LDLRAD4: variants seen among roughly 807,000 people sequenced by gnomAD.
LDLRAD4 encodes the protein low-density lipoprotein receptor class A domain-containing protein 4.
LDLRAD4 carries 5 observed loss-of-function variants against 17.0 expected under a neutral mutation model. The ratio of observed to expected loss-of-function variants is 0.29; its 90% CI spans 0.15 to 0.62. The LOEUF is 0.62. LDLRAD4 is among the 20% of genes least tolerant of loss of function. The pLI is 0.84. For synonymous variants in LDLRAD4, 168 were observed against 171.8 expected, an observed-to-expected ratio of 0.98 and a Z score of 0.17; for missense variants, 340 against 424.7, an observed-to-expected ratio of 0.80 and a Z score of 1.75.
chr18:13,419,877 C>T (rs149634832), intron 2 of LDLRAD4: 8 of 152,302 alleles, frequency 5.3e-5, no homozygotes, highest in Non-Finnish European at 7.3e-5. Flanking sequence ...CAGACACAGA[C>T]GTGAGCCTGG....
intron 3 of LDLRAD4, among the ~76,000 whole-genome samples, chr18:13,482,685 A>G (rs939839987): frequency 6.6e-6 from 1 of 152,154 alleles, no homozygotes; most frequent in Non-Finnish European, 1.5e-5. Flanking sequence ...AGATGAGTGG[A>G]CTCAAGAGCA....
chr18:13,599,711 T>G lies in LDLRAD4; in HGVS notation c.182-21406T>G, dbSNP rs570637973. On this transcript the variant is annotated intron_variant, in intron 3 of 5. Coordinates refer to ENST00000359446, the Ensembl canonical transcript of LDLRAD4. Reference sequence around the variant, plus strand: ...TTTCACCCTGTTAGCCAGGATGGTCTCGATCTCCTGACCTCGTGATCCGCC... The same window carrying G: ...TTTCACCCTGTTAGCCAGGATGGTCGCGATCTCCTGACCTCGTGATCCGCC... Among the ~76,000 whole-genome samples, 7 of 152,202 alleles carry G rather than the reference T, an allele frequency of 4.6e-5. No homozygotes were observed. In the East Asian group the frequency reaches 1.3e-3, roughly 29 times the overall value.
At chr18:13,348,026 A>G (rs921818388) in intron 1 of LDLRAD4, among the ~76,000 whole-genome samples, 2 of 152,122 alleles carry the variant, frequency 1.3e-5, no homozygotes, top group Non-Finnish European at 2.9e-5. Context: ...AAATTCCTCC[A>G]TTAGCTCAGA....
At chr18:13,352,162 G>T (rs1203784594) in intron 1 of LDLRAD4, among the ~76,000 whole-genome samples, 4 of 152,142 alleles carry the variant, frequency 2.6e-5, no homozygotes, top group Admixed American at 1.3e-4. Context: ...AAATCATACT[G>T]AATGGGCAAA....
chr18:13,364,010 A>G (rs1471121074), intron 1 of LDLRAD4, among the ~76,000 whole-genome samples: 1 of 152,220 alleles, frequency 6.6e-6, no homozygotes, highest in East Asian at 1.9e-4. Flanking sequence ...AAATTTTAAA[A>G]GTTTGGTCTG....
At chr18:13,569,492 GA>G (rs528544748) in intron 3 of LDLRAD4, among the ~76,000 whole-genome samples, 2 of 152,096 alleles carry the variant, frequency 1.3e-5, no homozygotes, top group Non-Finnish European at 2.9e-5. Context: ...GTCTTTCAAG[GA>G]AAAAAATATT....
intron 1 of LDLRAD4, among the ~76,000 whole-genome samples, chr18:13,227,256 G>A (rs1402106389): frequency 1.3e-5 from 2 of 152,136 alleles, no homozygotes; most frequent in Non-Finnish European, 2.9e-5. Flanking sequence ...TGAGAGAGAT[G>A]AAAAAATCAC....
At chr18:13,363,679 C>T (rs2083854745) in intron 1 of LDLRAD4, among the ~76,000 whole-genome samples, 1 of 152,126 alleles carries the variant, frequency 6.6e-6, no homozygotes, top group Non-Finnish European at 1.5e-5. Context: ...TGCTAGTTCT[C>T]ATTTCCATGA....
chr18:13,453,479 C>T (rs984667287), intron 3 of LDLRAD4, among the ~76,000 whole-genome samples: 6 of 152,018 alleles, frequency 3.9e-5, no homozygotes, highest in African/African-American at 9.7e-5. Flanking sequence ...CCTGGTTTTT[C>T]GCAGCTGCCG....
upstream of LDLRAD4, among the ~76,000 whole-genome samples, chr18:13,273,713 C>T (rs920809361): frequency 1.3e-5 from 2 of 152,306 alleles, no homozygotes; most frequent in Admixed American, 1.3e-4. Context: ...AAACAAATTT[C>T]CCATCTTCCT....
chr18:13,595,555 C>G (rs985386290), intron 3 of LDLRAD4, among the ~76,000 whole-genome samples: 16 of 152,062 alleles, frequency 1.1e-4, no homozygotes, highest in African/African-American at 3.9e-4. Context: ...CACTATATTG[C>G]CCAGACTGGT....
At chr18:13,428,232 G>A (rs997018133) in intron 2 of LDLRAD4, among the ~76,000 whole-genome samples, 3 of 152,220 alleles carry the variant, frequency 2.0e-5, no homozygotes, top group Non-Finnish European at 1.5e-5. Flanking sequence ...AGTCTGGGAG[G>A]TGAGATGGGG....
chr18:13,361,760 G>C (rs1174109830), intron 1 of LDLRAD4, among the ~76,000 whole-genome samples: 1 of 152,130 alleles, frequency 6.6e-6, no homozygotes, highest in African/African-American at 2.4e-5. Flanking sequence ...TGAGTTGCAT[G>C]TTTTCCATGA....
intron 1 of LDLRAD4, among the ~76,000 whole-genome samples, chr18:13,298,516 G>C (rs1336213643): frequency 2.1e-5 from 3 of 141,888 alleles, no homozygotes; most frequent in Non-Finnish European, 4.6e-5. Flanking sequence ...CTCTGGGCAC[G>C]GTGATGGGAG....
At chr18:13,285,881 A>G (rs1478714827) in intron 1 of LDLRAD4, among the ~76,000 whole-genome samples, 1 of 152,230 alleles carries the variant, frequency 6.6e-6, no homozygotes, top group Non-Finnish European at 1.5e-5. Context: ...TAAGATATAC[A>G]TAATGTGGAG....
chr18:13,270,492 A>C (rs1475166763), intron 1 of LDLRAD4, among the ~76,000 whole-genome samples: 1 of 152,252 alleles, frequency 6.6e-6, no homozygotes, highest in Non-Finnish European at 1.5e-5. Context: ...ATTACCGCGT[A>C]CAAGTGTATC....
At chr18:13,628,095 G>A (rs757507104) in intron 4 of LDLRAD4, among the ~76,000 whole-genome samples, 3 of 152,218 alleles carry the variant, frequency 2.0e-5, no homozygotes, top group Non-Finnish European at 4.4e-5. Flanking sequence ...GGGTTTCAGC[G>A]CCACACTGTT....
At chr18:13,428,932 G>A (rs1352181004) in intron 2 of LDLRAD4, among the ~76,000 whole-genome samples, 2 of 152,162 alleles carry the variant, frequency 1.3e-5, no homozygotes, top group Non-Finnish European at 2.9e-5. Context: ...GGAGTCTGGG[G>A]TCTAGGGCAA....
intron 3 of LDLRAD4, among the ~76,000 whole-genome samples, chr18:13,507,375 A>T (rs2093711299): frequency 6.6e-6 from 1 of 152,132 alleles, no homozygotes; most frequent in African/African-American, 2.4e-5. Flanking sequence ...ATGCCTTTGC[A>T]TCTTCATAGC....
Sources: allele counts gnomAD v4.1 joint callset (sites outside exome capture counted in the v4.1 genomes callset), GRCh38; gene constraint gnomAD v4.1.1; transcripts MANE v1.5; gene names NCBI Gene and HGNC (gene_info 2026-07-23, HGNC 2026-07-21).